Variants in EPHB1 observed in about 807,000 individuals in gnomAD.
EPHB1 encodes ephrin type-B receptor 1.
In EPHB1, 30 loss-of-function variants were observed where a neutral mutation model predicts 94.4. The observed-to-expected ratio is 0.32, with a 90% confidence interval of 0.24 to 0.43. The LOEUF (loss-of-function observed/expected upper bound fraction) is 0.43. Among genes scored for constraint, EPHB1 ranks in the 20% least tolerant of loss-of-function variants. The pLI is 1.00. For missense variants in EPHB1, 1,055 were observed against 1,308.3 expected (o/e 0.81, Z 2.99); for synonymous variants, 522 against 489.1 (o/e 1.07, Z -0.89).
At chr3:135,003,048 G>T (rs955088956) in intron 3 of EPHB1, among the ~76,000 whole-genome samples, 1 of 152,170 alleles carries the variant, frequency 6.6e-6, no homozygotes, top group African/African-American at 2.4e-5. Context: ...TAATTGTGAT[G>T]TTAGGGTGTC....
intron 4 of EPHB1, among the ~76,000 whole-genome samples, chr3:135,129,227 C>T (rs1475453857): frequency 6.6e-6 from 1 of 152,100 alleles, no homozygotes; most frequent in African/African-American, 2.4e-5. Context: ...GGAGGAAACT[C>T]ACTGCATTTC....
At chr3:134,818,743 T>C (rs771435257) in intron 1 of EPHB1, among the ~76,000 whole-genome samples, 23 of 152,376 alleles carry the variant, frequency 1.5e-4, no homozygotes, top group Non-Finnish European at 2.5e-4. Context: ...CTATATACTA[T>C]ATATCTATCA....
chr3:134,801,024 C>T (rs996074659), intron 1 of EPHB1, among the ~76,000 whole-genome samples: 3 of 152,206 alleles, frequency 2.0e-5, no homozygotes, highest in Non-Finnish European at 2.9e-5. Flanking sequence ...AAGGAAGACT[C>T]ATATCAGCTG....
intron 9 of EPHB1, among the ~76,000 whole-genome samples, chr3:135,175,274 T>C (rs1229374372): frequency 6.6e-6 from 1 of 152,228 alleles, no homozygotes; most frequent in African/African-American, 2.4e-5. Flanking sequence ...GATCTACTGA[T>C]GGAAGGTCTC....
At chr3:135,189,903 G>A (rs927440141) in intron 10 of EPHB1, among the ~76,000 whole-genome samples, 2 of 152,234 alleles carry the variant, frequency 1.3e-5, no homozygotes, top group African/African-American at 4.8e-5. Flanking sequence ...CTGTTAAACA[G>A]TATCACTTCT....
chr3:134,861,562 A>G (rs1030647386), intron 1 of EPHB1, among the ~76,000 whole-genome samples: 1 of 152,218 alleles, frequency 6.6e-6, no homozygotes, highest in African/African-American at 2.4e-5. Context: ...TCCAGAAAAG[A>G]AAAGCTGAGG....
In EPHB1 at chr3:135,192,772, CATG is replaced by C. The variant is rs1942494274; in HGVS notation, c.2082_2084del (p.Met694del). ...GTGTGGTCACCAAGAGTCGGCCTGTCATGATCATCACAGAGTTCATGGAGAATG... is the reference window on the plus strand; with the variant it reads ...GTGTGGTCACCAAGAGTCGGCCTGTCATCATCACAGAGTTCATGGAGAATG... On this transcript the variant is annotated inframe_deletion, in exon 11 of 16. Transcript: ENST00000398015. 6.2e-7 allele frequency: 1 copy of C among 1,614,044 alleles called. No homozygotes were observed. The highest frequency in any genetic ancestry group is 1.3e-5 in the African/African-American group (1 of 74,922).
rs975980161 is a variant in EPHB1 at position 134,888,779 on chromosome 3, G to A, written c.59-37037G>A. Among the ~76,000 whole-genome samples the A allele has an allele frequency of 3.9e-5, 6 of 152,196 alleles. No individual in the cohort carries two copies. In the South Asian group the frequency reaches 1.0e-3, roughly 26 times the overall value. ...AGGCATATCTTCCCAGAGGGCCAGT[G>A]TAATTTACATATCCATTAAATATTT... On this transcript the variant is annotated intron_variant, in intron 1 of 15. Coordinates refer to ENST00000398015, the MANE Select transcript of EPHB1 (RefSeq NM_004441.5).
At chr3:135,184,320 G>T (rs1942272280) in intron 10 of EPHB1, among the ~76,000 whole-genome samples, 1 of 152,180 alleles carries the variant, frequency 6.6e-6, no homozygotes, top group Non-Finnish European at 1.5e-5. Context: ...CTGAAAAGTT[G>T]CATCAGCTGC....
At chr3:135,082,006 G>C (rs961165129) in intron 3 of EPHB1, among the ~76,000 whole-genome samples, 1 of 151,814 alleles carries the variant, frequency 6.6e-6, no homozygotes, top group East Asian at 2.0e-4. Flanking sequence ...CAAGCAGAAG[G>C]CCCAGGCTGG....
At chr3:135,159,526 G>A (rs1325058780) in intron 6 of EPHB1, among the ~76,000 whole-genome samples, 1 of 152,038 alleles carries the variant, frequency 6.6e-6, no homozygotes, top group Non-Finnish European at 1.5e-5. Context: ...GTGACTTGGT[G>A]ATTTTCACAG....
chr3:135,050,685 CA>C (rs1937143667), intron 3 of EPHB1, among the ~76,000 whole-genome samples: 1 of 152,242 alleles, frequency 6.6e-6, no homozygotes, highest in African/African-American at 2.4e-5. Context: ...GTGCTGTCCC[CA>C]TGGTAATAAG....
At chr3:134,923,227 T>C (rs1354311732) in intron 1 of EPHB1, among the ~76,000 whole-genome samples, 1 of 152,138 alleles carries the variant, frequency 6.6e-6, no homozygotes, top group Admixed American at 6.5e-5. Flanking sequence ...GGTAGGAAAA[T>C]GCAGCTTTCT....
chr3:135,120,211 C>T (rs1160014615), intron 4 of EPHB1, among the ~76,000 whole-genome samples: 1 of 152,180 alleles, frequency 6.6e-6, no homozygotes. Context: ...GGGGATGATT[C>T]TCTTCTTTAT....
At chr3:134,958,373 C>T (rs1578230550) in intron 3 of EPHB1, among the ~76,000 whole-genome samples, 1 of 151,916 alleles carries the variant, frequency 6.6e-6, no homozygotes, top group African/African-American at 2.4e-5. Context: ...CCTGCCTCCT[C>T]ATCCTGAGCT....
rs963249369 is a variant in EPHB1 at position 135,259,880 on chromosome 3, A to G, written c.*760A>G. ...ATATGTATGTCTGTGTTATAAAATG[A>G]CTGTGCTTGTTCGTAACAGATGCAA... On this transcript the variant is annotated 3_prime_UTR_variant, in exon 16 of 16. Transcript: ENST00000398015. 4 of 227,364 alleles carry G rather than the reference A, an allele frequency of 1.8e-5. No homozygotes were observed. The highest frequency in any genetic ancestry group is 1.1e-4 in the Admixed American group (2 of 17,574). The allele number at this position is 227,364 out of a possible 1,614,324, so 14.1% of individuals were successfully genotyped here. A position where few individuals can be genotyped will look rare whatever the true frequency, so the allele number is the denominator to read the frequency against.
At chr3:134,954,066 C>G (rs1933144379) in intron 3 of EPHB1, among the ~76,000 whole-genome samples, 1 of 152,210 alleles carries the variant, frequency 6.6e-6, no homozygotes. Flanking sequence ...TTTGCCTCTT[C>G]AGAGGCATGG....
intron 3 of EPHB1, among the ~76,000 whole-genome samples, chr3:135,063,740 G>T (rs1477390807): frequency 6.6e-6 from 1 of 152,118 alleles, no homozygotes; most frequent in Admixed American, 6.5e-5. Context: ...AAGAGGAGTG[G>T]TGAGAGTGGG....
intron 12 of EPHB1, among the ~76,000 whole-genome samples, chr3:135,226,509 C>T (rs1325208820): frequency 1.3e-5 from 2 of 152,176 alleles, no homozygotes; most frequent in Admixed American, 6.5e-5. Context: ...AGTATGGCTG[C>T]CCCCAGGCAG....
Sources: allele counts gnomAD v4.1 joint callset (sites outside exome capture counted in the v4.1 genomes callset), GRCh38; gene constraint gnomAD v4.1.1; transcripts MANE v1.5; gene names NCBI Gene and HGNC (gene_info 2026-07-23, HGNC 2026-07-21).